The following ALK variants were observed in gnomAD, a reference collection of about 807,000 sequenced individuals.
The protein encoded by ALK is ALK receptor tyrosine kinase, also known as ALK tyrosine kinase receptor.
Under a neutral mutation model 163.1 loss-of-function variants are expected in ALK, and 74 were observed. The observed-to-expected ratio is 0.45, with a 90% CI of 0.38 to 0.55. The LOEUF is 0.55. ALK is among the 20% of genes least tolerant of loss of function. The pLI is 0.00. For synonymous variants in ALK, 960 were observed against 843.2 expected, an observed-to-expected ratio of 1.14 and a Z score of -2.40; for missense variants, 2,063 against 2,105.3, an observed-to-expected ratio of 0.98 and a Z score of 0.39.
intron 1 of ALK, among the ~76,000 whole-genome samples, chr2:29,879,550 C>T: frequency 6.6e-6 from 1 of 152,144 alleles, no homozygotes; most frequent in African/African-American, 2.4e-5. Context: ...CAAACAAATC[C>T]CACTGTCCAC....
chr2:29,501,670 T>A (rs1391884698), intron 4 of ALK, among the ~76,000 whole-genome samples: 1 of 151,390 alleles, frequency 6.6e-6, no homozygotes, highest in Non-Finnish European at 1.5e-5. Flanking sequence ...TTTGAAAACA[T>A]TTTTTTTTAT....
chr2:29,451,364 C>T (rs961425643), intron 4 of ALK, among the ~76,000 whole-genome samples: 1 of 152,124 alleles, frequency 6.6e-6, no homozygotes, highest in Admixed American at 6.5e-5. Context: ...ATCCACAGCT[C>T]CCCCACTGCC....
chr2:29,211,632 A>G (rs947070804), intron 24 of ALK, among the ~76,000 whole-genome samples: 1 of 152,254 alleles, frequency 6.6e-6, no homozygotes, highest in Non-Finnish European at 1.5e-5. Context: ...GTGGAAGTCC[A>G]TGAATCTTAA....
intron 3 of ALK, among the ~76,000 whole-genome samples, chr2:29,604,130 T>G (rs1032813343): frequency 1.3e-5 from 2 of 152,036 alleles, no homozygotes; most frequent in African/African-American, 4.8e-5. Flanking sequence ...CCACTACCTA[T>G]TTTTGTATAA....
intron 3 of ALK, among the ~76,000 whole-genome samples, chr2:29,659,257 A>G (rs1479709451): frequency 6.6e-6 from 1 of 152,150 alleles, no homozygotes; most frequent in Non-Finnish European, 1.5e-5. Flanking sequence ...TCCACTGGGA[A>G]CAATGCTACT....
chr2:29,671,730 G>C (rs909809992), intron 3 of ALK, among the ~76,000 whole-genome samples: 1 of 151,996 alleles, frequency 6.6e-6, no homozygotes, highest in Non-Finnish European at 1.5e-5. Context: ...CCTGGGACCT[G>C]TCTGATCCTC....
chr2:29,752,634 C>T (rs1207098346), intron 1 of ALK, among the ~76,000 whole-genome samples: 2 of 152,058 alleles, frequency 1.3e-5, no homozygotes, highest in African/African-American at 2.4e-5. Context: ...AGGCGTGAGC[C>T]ACCGCGCCCG....
At chr2:29,443,203 C>T (rs1461695600) in intron 4 of ALK, among the ~76,000 whole-genome samples, 1 of 152,220 alleles carries the variant, frequency 6.6e-6, no homozygotes, top group Non-Finnish European at 1.5e-5. Flanking sequence ...ATGCCTGCTG[C>T]CTGAACCCTG....
chr2:29,465,512 G>A (rs1671189889), intron 4 of ALK, among the ~76,000 whole-genome samples: 1 of 152,046 alleles, frequency 6.6e-6, no homozygotes, highest in Non-Finnish European at 1.5e-5. Flanking sequence ...TGGCCAACAT[G>A]GTGAAACTCT....
At chr2:29,619,000 TA>T (rs57869697) in intron 3 of ALK, among the ~76,000 whole-genome samples, 97,626 of 147,840 alleles carry the variant, frequency 0.66, 32,294 homozygotes, top group South Asian at 0.74. Context: ...AAAAAATAAA[TA>T]AAAAAAAAAA....
chr2:29,583,042 G>GTTTTGT (rs1553335220), intron 3 of ALK, among the ~76,000 whole-genome samples: 1 of 143,632 alleles, frequency 7.0e-6, no homozygotes, highest in Non-Finnish European at 1.5e-5. Context: ...TTTGTTTTTT[G>GTTTTGT]TTTTTTTGTT....
At chr2:29,558,011 G>A (rs1417484218) in intron 3 of ALK, among the ~76,000 whole-genome samples, 2 of 152,146 alleles carry the variant, frequency 1.3e-5, no homozygotes, top group Non-Finnish European at 2.9e-5. Flanking sequence ...GGCCAGTGAT[G>A]TCTACACTGC....
At chr2:29,797,861 T>A (rs1260987860) in intron 1 of ALK, among the ~76,000 whole-genome samples, 1 of 152,100 alleles carries the variant, frequency 6.6e-6, no homozygotes, top group Non-Finnish European at 1.5e-5. Flanking sequence ...ATTCATTTAC[T>A]CATTGACCCA....
At chr2:29,646,128 C>T (rs1364019791) in intron 3 of ALK, among the ~76,000 whole-genome samples, 1 of 152,166 alleles carries the variant, frequency 6.6e-6, no homozygotes, top group Non-Finnish European at 1.5e-5. Context: ...CAGTTTCCCA[C>T]ATTAGAACCT....
chr2:29,527,055 G>A (rs1369541464), intron 4 of ALK, among the ~76,000 whole-genome samples: 1 of 152,196 alleles, frequency 6.6e-6, no homozygotes, highest in Admixed American at 6.5e-5. Flanking sequence ...CTGAGGATAG[G>A]TTGCTGGCAT....
At chr2:29,664,773 T>C (rs1677457655) in intron 3 of ALK, among the ~76,000 whole-genome samples, 1 of 152,104 alleles carries the variant, frequency 6.6e-6, no homozygotes, top group South Asian at 2.1e-4. Flanking sequence ...TACTCTGTGC[T>C]CAGCATGGTG....
Position 29,227,142 on chromosome 2 carries a change from G to T in ALK, c.2915-68C>A. On this transcript the variant is annotated intron_variant, in intron 17 of 28. Transcript: ENST00000389048. This position sits in a 1 kb window ranked among gnomAD's most constrained non-coding sequence, Gnocchi z 4.4. ...TCCCCACTCCCAGCCTCAGTACTAT[G>T]TCTCCAGGTGGTCACTGTGGGTGCT... is the stretch of plus-strand genomic sequence containing the variant. The T allele has an allele frequency of 6.2e-7, 1 of 1,606,376 alleles. No individual in the cohort carries two copies.
Position 29,770,098 on chromosome 2 carries a change from T to C in ALK, c.668-52401A>G, listed in dbSNP as rs114612375. Among the ~76,000 whole-genome samples, 682 of 152,330 alleles carry C rather than the reference T, an allele frequency of 4.5e-3. 6 individuals carry two copies. Among genetic ancestry groups the C allele is most frequent in the African/African-American group, 0.015 (632 of 41,588 alleles). ...AGCAAGAGACCAAAGGCTTCTTTAC[T>C]ATCTGGAATTGGAGAAATGGAGACT... is the stretch of plus-strand genomic sequence containing the variant. On this transcript the variant is annotated intron_variant, in intron 1 of 28. Coordinates refer to ENST00000389048, the MANE Select transcript of ALK (RefSeq NM_004304.5).
chr2:29,295,632 C>T (rs1180369346), intron 9 of ALK, among the ~76,000 whole-genome samples: 1 of 152,192 alleles, frequency 6.6e-6, no homozygotes. Context: ...AGCACTGATG[C>T]AGTTATGAGC....
Sources: allele counts gnomAD v4.1 joint callset (sites outside exome capture counted in the v4.1 genomes callset), GRCh38; gene constraint gnomAD v4.1.1; non-coding constraint Gnocchi (gnomAD v3.1); transcripts MANE v1.5; gene names NCBI Gene and HGNC (gene_info 2026-07-23, HGNC 2026-07-21).